ITSN2: variants seen among roughly 807,000 people sequenced by gnomAD.
ITSN2 encodes the protein intersectin 2.
ITSN2 carries 156 observed loss-of-function variants against 243.7 expected under a neutral mutation model. That is an observed-to-expected ratio of 0.64 (90% confidence interval 0.56 to 0.73). The LOEUF is 0.73. ITSN2 is among the 30% of genes least tolerant of loss of function. The pLI, the probability that ITSN2 is intolerant of heterozygous loss-of-function variation, is 0.00. For missense variants in ITSN2, 1,801 were observed against 1,996.1 expected, an observed-to-expected ratio of 0.90 and a Z score of 1.86; for synonymous variants, 703 against 699.9, an observed-to-expected ratio of 1.00 and a Z score of -0.07.
At chr2:24,273,287 A>G (rs1213028788) in intron 18 of ITSN2, among the ~76,000 whole-genome samples, 1 of 152,136 alleles carries the variant, frequency 6.6e-6, no homozygotes, top group Non-Finnish European at 1.5e-5. Flanking sequence ...CATGTCATAG[A>G]ATGCTTCCTC....
At position 24,301,013 on chromosome 2, in the gene ITSN2, T is replaced by C. The variant is rs1198834834; in HGVS notation, c.1081+141A>G. 13 of 495,844 alleles carry C rather than the reference T, an allele frequency of 2.6e-5. No homozygotes were observed. The East Asian group carries it at 4.0e-4, about 15-fold the overall frequency. The allele number at this position is 495,844 out of a possible 1,614,324, so 30.7% of individuals were successfully genotyped here. A position where few individuals can be genotyped will look rare whatever the true frequency, so the allele number is the denominator to read the frequency against. On this transcript the variant is annotated intron_variant, in intron 11 of 39. Transcript: ENST00000355123. ...CATCTTAATTTTATCAATACCAAAA[T>C]ACATCCCATCTATCAAATAGTTTTT...
intron 11 of ITSN2, among the ~76,000 whole-genome samples, chr2:24,300,800 T>C (rs1681622244): frequency 6.6e-6 from 1 of 152,198 alleles, no homozygotes; most frequent in Non-Finnish European, 1.5e-5. Context: ...AACATCCTAA[T>C]ATATTAAAAC....
At chr2:24,298,835 T>C (rs1407623814) in intron 12 of ITSN2, 21 bp from the exon 13 acceptor site, 2 of 1,571,198 alleles carry the variant, frequency 1.3e-6, no homozygotes, top group African/African-American at 2.8e-5. Context: ...AAAGGAATTA[T>C]ACTTAATTTT....
intron 1 of ITSN2, among the ~76,000 whole-genome samples, chr2:24,331,132 C>T (rs962861023): frequency 1.4e-5 from 2 of 147,168 alleles, no homozygotes; most frequent in African/African-American, 2.5e-5. Flanking sequence ...AATGCAATGG[C>T]GCGATCTTGG....
intron 34 of ITSN2, 147 bp downstream of exon 34, chr2:24,210,633 A>AAAG: frequency 1.6e-6 from 1 of 624,776 alleles, no homozygotes; most frequent in Non-Finnish European, 2.6e-6. Flanking sequence ...AAAAAAAAAA[A>AAAG]AGAAAAAAAA....
At chr2:24,358,089 A>G (rs1295285079) in intron 1 of ITSN2, among the ~76,000 whole-genome samples, 1 of 152,100 alleles carries the variant, frequency 6.6e-6, no homozygotes, top group East Asian at 1.9e-4. Context: ...AATTTTTTGT[A>G]TTTTTTAGTA....
Position 24,211,034 on chromosome 2 carries a change from A to G in ITSN2, c.4090-87T>C. ...TTCGCAGGACCGCTCCTCCAACCCC[A>G]TGTTATGGACTGCTTCCATGCCCTG... On this transcript the variant is annotated intron_variant, in intron 33 of 39. Coordinates refer to ENST00000355123, the MANE Select transcript of ITSN2 (RefSeq NM_006277.3). This position sits in a 1 kb window ranked among gnomAD's most constrained non-coding sequence, Gnocchi z 4.1. 7.7e-7 allele frequency: 1 copy of G among 1,301,240 alleles called. No homozygotes were observed. Among genetic ancestry groups the G allele is most frequent in the South Asian group, 1.3e-5 (1 of 77,564 alleles). 80.6% of individuals were successfully genotyped at this position (1,301,240 alleles called of 1,614,324 possible).
chr2:24,282,607 A>T (rs1252346676), intron 17 of ITSN2, among the ~76,000 whole-genome samples: 1 of 152,000 alleles, frequency 6.6e-6, no homozygotes, highest in Non-Finnish European at 1.5e-5. Context: ...ACACACCCCC[A>T]CTGGGGCTTC....
chr2:24,357,647 A>G (rs1362793683), intron 1 of ITSN2, among the ~76,000 whole-genome samples: 1 of 152,184 alleles, frequency 6.6e-6, no homozygotes, highest in African/African-American at 2.4e-5. Context: ...CTTCAAAAAC[A>G]GTTTTTTCAC....
chr2:24,282,450 G>A (rs1574137332), intron 17 of ITSN2, among the ~76,000 whole-genome samples: 1 of 152,174 alleles, frequency 6.6e-6, no homozygotes, highest in Admixed American at 6.5e-5. Context: ...CCAAGCCCAC[G>A]TGTGATCCAA....
At position 24,310,818 on chromosome 2, in the gene ITSN2, A is replaced by T; in HGVS notation, c.353-126T>A. Reference sequence around the variant, plus strand: ...CAAAACACACAGATGAATTATCCTTAAAAAACTCACTACTTTGACCCAGCA... The same window carrying T: ...CAAAACACACAGATGAATTATCCTTTAAAAACTCACTACTTTGACCCAGCA... On this transcript the variant is annotated intron_variant, in intron 5 of 39. Coordinates refer to ENST00000355123, the MANE Select transcript of ITSN2 (RefSeq NM_006277.3). 5.4e-6 allele frequency: 4 copies of T among 739,792 alleles called. No individual in the cohort carries two copies. The East Asian group carries it at 8.1e-5, about 15-fold the overall frequency. The allele number at this position is 739,792 out of a possible 1,614,324, so 45.8% of individuals were successfully genotyped here.
At chr2:24,277,040 CCT>C (rs965967325) in intron 17 of ITSN2, among the ~76,000 whole-genome samples, 2 of 152,142 alleles carry the variant, frequency 1.3e-5, no homozygotes, top group African/African-American at 4.8e-5. Flanking sequence ...AGGAACTGCC[CCT>C]GTCCAGCAGC....
chr2:24,255,428 A>C (rs958300251), intron 23 of ITSN2, among the ~76,000 whole-genome samples: 7 of 152,182 alleles, frequency 4.6e-5, no homozygotes, highest in Admixed American at 2.0e-4. Flanking sequence ...CAGGAGTTTG[A>C]GACCAGCCTG....
intron 9 of ITSN2, 111 bp from the exon 10 acceptor site, chr2:24,302,213 A>G (rs1681859762): frequency 3.4e-6 from 2 of 582,326 alleles, no homozygotes; most frequent in African/African-American, 2.0e-5. Flanking sequence ...TTATTTATTT[A>G]TTTGAGATGG....
Position 24,204,414 on chromosome 2 carries a change from C to G in ITSN2, c.4767G>C (p.Lys1589Asn). The change falls in exon 39 of 40, where the codon AAG becomes AAC. Residue 1589 changes from lysine to asparagine, a missense_variant. Coordinates refer to ENST00000355123, the MANE Select transcript of ITSN2 (RefSeq NM_006277.3). This position sits in a 1 kb window ranked among gnomAD's most constrained non-coding sequence, Gnocchi z 5.1. ...TGCTGATTTCACAGTATGGGTTGCT[C>G]TTTCCTGAACAAAAACAAACCACAG... ...TELKACKPNG[K>N]SNPYCEISMG... 1.2e-6 allele frequency: 2 copies of G among 1,614,110 alleles called. No homozygotes were observed. The highest frequency in any genetic ancestry group is 1.7e-6 in the Non-Finnish European group (2 of 1,180,012).
intron 1 of ITSN2, among the ~76,000 whole-genome samples, chr2:24,340,773 T>C (rs1025748535): frequency 1.3e-5 from 2 of 152,052 alleles, no homozygotes; most frequent in African/African-American, 4.8e-5. Flanking sequence ...CACACACATA[T>C]AGTATATGTT....
chr2:24,207,815 TG>T (rs954160538), intron 37 of ITSN2, among the ~76,000 whole-genome samples: 3 of 151,634 alleles, frequency 2.0e-5, no homozygotes, highest in African/African-American at 7.3e-5. Flanking sequence ...CTAGGCCCCC[TG>T]GCTGCAAAGG....
intron 32 of ITSN2, among the ~76,000 whole-genome samples, chr2:24,214,026 A>AC (rs1573875212): frequency 6.6e-6 from 1 of 152,328 alleles, no homozygotes; most frequent in East Asian, 1.9e-4. Flanking sequence ...AGATGAGGGG[A>AC]CTGAAGGCAC....
chr2:24,285,117 G>A (rs952267224), intron 16 of ITSN2, among the ~76,000 whole-genome samples: 2 of 151,844 alleles, frequency 1.3e-5, no homozygotes, highest in African/African-American at 4.8e-5. Flanking sequence ...GGCTGGTCTC[G>A]ATCTCTTGAC....
Sources: gnomAD v4.1 joint callset for allele counts (sites outside exome capture counted in the v4.1 genomes callset) on GRCh38, gnomAD v4.1.1 for gene constraint, Gnocchi (gnomAD v3.1) non-coding constraint, MANE v1.5 for transcripts, NCBI Gene and HGNC (gene_info 2026-07-23, HGNC 2026-07-21) for gene names.